Variants in ZFPM2 observed in about 807,000 individuals in gnomAD.
ZFPM2 encodes zinc finger protein ZFPM2.
In ZFPM2, 20 loss-of-function variants were observed where a neutral mutation model predicts 98.6. The ratio of observed to expected loss-of-function variants is 0.20; its 90% confidence interval spans 0.14 to 0.29. The LOEUF (loss-of-function observed/expected upper bound fraction) is 0.29. ZFPM2 is among the 10% of genes least tolerant of loss of function. The pLI is 1.00. For missense variants in ZFPM2, 1,310 were observed against 1,388.6 expected (o/e 0.94, Z 0.90); for synonymous variants, 518 against 502.7 (o/e 1.03, Z -0.41).
At chr8:105,412,716 C>T (rs1811601535) in intron 1 of ZFPM2, among the ~76,000 whole-genome samples, 1 of 151,384 alleles carries the variant, frequency 6.6e-6, no homozygotes, top group African/African-American at 2.4e-5. Context: ...TTTATTCTTG[C>T]TGTTAAGCTC....
At chr8:105,512,493 A>C (rs1490019904) in intron 3 of ZFPM2, among the ~76,000 whole-genome samples, 7 of 152,202 alleles carry the variant, frequency 4.6e-5, no homozygotes, top group African/African-American at 1.7e-4. Context: ...ATAATGTAAA[A>C]GATTAGTTTT....
At chr8:105,383,158 G>A (rs1429802872) in intron 1 of ZFPM2, among the ~76,000 whole-genome samples, 1 of 152,078 alleles carries the variant, frequency 6.6e-6, no homozygotes, top group Non-Finnish European at 1.5e-5. Flanking sequence ...AAGAAAATGC[G>A]AAGGACATTT....
At chr8:105,704,841 T>G (rs1347028464) in intron 5 of ZFPM2, among the ~76,000 whole-genome samples, 2 of 152,182 alleles carry the variant, frequency 1.3e-5, no homozygotes, top group African/African-American at 2.4e-5. Context: ...TGAGGTTTCC[T>G]TCTTGACCAT....
chr8:105,518,545 T>C (rs779452978), intron 3 of ZFPM2, among the ~76,000 whole-genome samples: 3 of 152,210 alleles, frequency 2.0e-5, no homozygotes, highest in Non-Finnish European at 4.4e-5. Flanking sequence ...AAATGAGTCA[T>C]GCACTGAAAT....
At chr8:105,691,403 C>T (rs1195141865) in intron 5 of ZFPM2, among the ~76,000 whole-genome samples, 12 of 142,382 alleles carry the variant, frequency 8.4e-5, no homozygotes, top group African/African-American at 2.5e-4. Context: ...CGCCCGCCAC[C>T]GCGCCCGGCT....
rs571196064 is a variant in ZFPM2 at position 105,504,623 on chromosome 8, A to G, written c.302-56740A>G. Among the ~76,000 whole-genome samples, 4 of 152,336 alleles carry G rather than the reference A, an allele frequency of 2.6e-5. No individual in the cohort carries two copies. In the East Asian group the frequency reaches 7.7e-4, roughly 29 times the overall value. On this transcript the variant is annotated intron_variant, in intron 3 of 7. Coordinates refer to ENST00000407775, the MANE Select transcript of ZFPM2 (RefSeq NM_012082.4). ...TTTAATAGATGTGGCTATAACATGC[A>G]GACAATAAGGAATGTTGTGAAAATG...
chr8:105,359,367 CTTTTTTTT>C (rs111675257), intron 1 of ZFPM2, among the ~76,000 whole-genome samples: 1 of 135,358 alleles, frequency 7.4e-6, no homozygotes, highest in Non-Finnish European at 1.6e-5. Context: ...CTTTTTCTTT[CTTTTTTTT>C]TTTTTTTGTT....
intron 5 of ZFPM2, among the ~76,000 whole-genome samples, chr8:105,716,201 T>C (rs1691598936): frequency 6.7e-6 from 1 of 149,838 alleles, no homozygotes; most frequent in African/African-American, 2.4e-5. Context: ...TATATGTAAA[T>C]ATTCATATAT....
intron 3 of ZFPM2, among the ~76,000 whole-genome samples, chr8:105,500,949 T>C (rs1281781828): frequency 6.6e-6 from 1 of 152,114 alleles, no homozygotes; most frequent in Non-Finnish European, 1.5e-5. Context: ...TAGTTAAGCA[T>C]CTGTTTACTT....
intron 5 of ZFPM2, among the ~76,000 whole-genome samples, chr8:105,681,519 TAAG>T (rs1208718765): frequency 1.3e-5 from 2 of 152,234 alleles, no homozygotes; most frequent in South Asian, 2.1e-4. Context: ...GTGTGTGTAT[TAAG>T]AAGAGTTTCA....
chr8:105,524,582 C>A (rs1347886977), intron 3 of ZFPM2, among the ~76,000 whole-genome samples: 1 of 152,052 alleles, frequency 6.6e-6, no homozygotes, highest in East Asian at 1.9e-4. Flanking sequence ...GGTACCCTTT[C>A]TTTACTCTGT....
intron 1 of ZFPM2, among the ~76,000 whole-genome samples, chr8:105,364,597 A>C (rs1810472776): frequency 6.6e-6 from 1 of 151,828 alleles, no homozygotes; most frequent in Admixed American, 6.6e-5. Flanking sequence ...TTTATAATCA[A>C]ATGTAGAGAT....
At chr8:105,640,302 A>T (rs899998331) in intron 5 of ZFPM2, among the ~76,000 whole-genome samples, 1 of 151,644 alleles carries the variant, frequency 6.6e-6, no homozygotes, top group Non-Finnish European at 1.5e-5. Flanking sequence ...TTTATCAGCA[A>T]TTTTTTTTCC....
At chr8:105,347,909 G>A (rs1431477044) in intron 1 of ZFPM2, among the ~76,000 whole-genome samples, 5 of 151,978 alleles carry the variant, frequency 3.3e-5, no homozygotes, top group African/African-American at 4.8e-5. Context: ...CCCCACCCCC[G>A]ACATACTCAA....
chr8:105,571,780 A>G (rs1450649117), intron 4 of ZFPM2, among the ~76,000 whole-genome samples: 3 of 152,204 alleles, frequency 2.0e-5, no homozygotes, highest in African/African-American at 4.8e-5. Flanking sequence ...AAAATTACTT[A>G]GGGATAATGC....
chr8:105,675,378 G>T (rs958405731), intron 5 of ZFPM2, among the ~76,000 whole-genome samples: 1 of 152,172 alleles, frequency 6.6e-6, no homozygotes, highest in Non-Finnish European at 1.5e-5. Context: ...GAAAGGGAAA[G>T]TTATTCAGAA....
At chr8:105,625,757 A>G (rs60401846) in intron 4 of ZFPM2, among the ~76,000 whole-genome samples, 12,510 of 151,726 alleles carry the variant, frequency 0.082, 522 homozygotes, top group African/African-American at 0.11. Flanking sequence ...TGTTTTTTGT[A>G]ATTTTAGTAG....
chr8:105,648,066 C>T (rs1357747936), intron 5 of ZFPM2, among the ~76,000 whole-genome samples: 5 of 152,132 alleles, frequency 3.3e-5, no homozygotes, highest in Non-Finnish European at 5.9e-5. Context: ...TAATGATCAC[C>T]ATTCTAACTG....
chr8:105,458,223 C>G (rs184207338), intron 3 of ZFPM2, among the ~76,000 whole-genome samples: 1 of 152,098 alleles, frequency 6.6e-6, no homozygotes, highest in African/African-American at 2.4e-5. Flanking sequence ...TGCATGTTTT[C>G]AAATTTTTAA....
Sources: allele counts gnomAD v4.1 joint callset (sites outside exome capture counted in the v4.1 genomes callset), GRCh38; gene constraint gnomAD v4.1.1; transcripts MANE v1.5; gene names NCBI Gene and HGNC (gene_info 2026-07-23, HGNC 2026-07-21).